Variants in GTF2I observed in about 807,000 individuals in gnomAD.
The protein encoded by GTF2I is general transcription factor II-I.
GTF2I carries 12 observed loss-of-function variants against 67.6 expected under a neutral mutation model. The ratio of observed to expected loss-of-function variants is 0.18; its 90% CI spans 0.11 to 0.29. The LOEUF is 0.29. Among genes scored for constraint, GTF2I ranks in the 10% least tolerant of loss-of-function variants. The pLI, the probability that GTF2I is intolerant of heterozygous loss-of-function variation, is 1.00. For missense variants in GTF2I, 271 were observed against 580.1 expected (o/e 0.47, Z 5.47); for synonymous variants, 149 against 197.0 (o/e 0.76, Z 2.04).
intron 1 of GTF2I, among the ~76,000 whole-genome samples, chr7:74,665,351 G>C (rs1804882819): frequency 6.6e-6 from 1 of 151,782 alleles, no homozygotes; most frequent in African/African-American, 2.4e-5. Context: ...TCTCGGGTTC[G>C]AGTGATTCTT....
intron 1 of GTF2I, among the ~76,000 whole-genome samples, chr7:74,667,028 C>G (rs1805043546): frequency 6.6e-6 from 1 of 151,926 alleles, no homozygotes; most frequent in Non-Finnish European, 1.5e-5. Context: ...ACCTGTAATC[C>G]CAGACACTCG....
rs781807761 is a variant in GTF2I, at chr7:74,689,145, T to C, written c.17T>C (p.Met6Thr). 2 of 1,610,830 alleles carry C rather than the reference T, an allele frequency of 1.2e-6. No individual in the cohort carries two copies. Among genetic ancestry groups the C allele is most frequent in the Non-Finnish European group, 1.7e-6 (2 of 1,177,176 alleles). Residue 6 changes from methionine (M) to threonine (T), a missense_variant, in exon 2 of 35, where the codon ATG (methionine) becomes ACG (threonine). By Grantham distance (81) the Met-to-Thr change is moderately conservative. Around this residue, in one of 9 missense-constraint regions of GTF2I, gnomAD observed 17 missense variants for 18.2 expected, o/e 0.94. Coordinates refer to ENST00000573035, the MANE Select transcript of GTF2I (RefSeq NM_032999.4). ...ACAGGGATCATGGCCCAAGTTGCAA[T>C]GTCCACCCTCCCCGTTGAAGATGAG... MAQVA[M>T]STLPVEDEES...
At chr7:74,679,057 A>G (rs1554393302) in intron 1 of GTF2I, among the ~76,000 whole-genome samples, 1 of 147,408 alleles carries the variant, frequency 6.8e-6, no homozygotes, top group African/African-American at 2.5e-5. Context: ...GGCATGAGCC[A>G]CCGCGCCCAG....
intron 15 of GTF2I, 122 bp downstream of exon 15, chr7:74,732,784 A>G (rs1554407017): frequency 3.5e-5 from 45 of 1,278,040 alleles, no homozygotes. Flanking sequence ...TATTTTATGT[A>G]TTTTTATCTT....
chr7:74,726,349 T>C (rs2131490994), intron 12 of GTF2I: 1 of 152,204 alleles, frequency 6.6e-6, no homozygotes, highest in African/African-American at 2.4e-5. Context: ...AAAATCTGTT[T>C]GGGAGTTGGA....
chr7:74,686,667 T>G (rs1218123063), intron 1 of GTF2I, among the ~76,000 whole-genome samples: 1 of 152,102 alleles, frequency 6.6e-6, no homozygotes, highest in Non-Finnish European at 1.5e-5. Flanking sequence ...TACTTAGACT[T>G]GGGGGAGAGG....
chr7:74,673,878 A>G (rs1805671398), intron 1 of GTF2I, among the ~76,000 whole-genome samples: 1 of 148,946 alleles, frequency 6.7e-6, no homozygotes, highest in Admixed American at 6.7e-5. Flanking sequence ...ACAGGGTTTC[A>G]CCGAGTTGGC....
intron 12 of GTF2I, among the ~76,000 whole-genome samples, chr7:74,720,301 C>A (rs1369389131): frequency 2.0e-5 from 3 of 152,082 alleles, no homozygotes; most frequent in African/African-American, 7.2e-5. Flanking sequence ...GTCTCTCTTT[C>A]TCTCTTAATA....
chr7:74,700,205 C>A (rs587705820), intron 4 of GTF2I, 42 bp from the exon 5 acceptor site: 5 of 1,591,710 alleles, frequency 3.1e-6, no homozygotes, highest in East Asian at 4.5e-5. Context: ...ATTTTGTAAT[C>A]TTACCATTGA....
intron 1 of GTF2I, among the ~76,000 whole-genome samples, chr7:74,687,264 G>A (rs1463203280): frequency 1.8e-4 from 27 of 151,670 alleles, no homozygotes; most frequent in African/African-American, 1.7e-4. Flanking sequence ...TCACTCTGTC[G>A]CCCAGGCTGG....
intron 2 of GTF2I, among the ~76,000 whole-genome samples, chr7:74,689,435 A>G (rs782067878): frequency 5.5e-5 from 8 of 146,742 alleles, no homozygotes; most frequent in Admixed American, 1.4e-4. Context: ...GCTCACTGCA[A>G]CCTTTACCTC....
At chr7:74,695,770 G>A (rs1408142669) in intron 3 of GTF2I, among the ~76,000 whole-genome samples, 1 of 151,918 alleles carries the variant, frequency 6.6e-6, no homozygotes, top group African/African-American at 2.4e-5. Context: ...TTATGTTTCT[G>A]TGTTTCTTTA....
At chr7:74,701,963 A>C (rs1366511144) in intron 6 of GTF2I, among the ~76,000 whole-genome samples, 2 of 152,102 alleles carry the variant, frequency 1.3e-5, no homozygotes, top group East Asian at 3.9e-4. Context: ...ACTGAGCATC[A>C]CTCACTCGAG....
At chr7:74,667,280 T>C (rs1554388900) in intron 1 of GTF2I, among the ~76,000 whole-genome samples, 1 of 151,638 alleles carries the variant, frequency 6.6e-6, no homozygotes, top group Admixed American at 6.6e-5. Context: ...GAGGTGGAGG[T>C]TACAGTGTAC....
intron 1 of GTF2I, among the ~76,000 whole-genome samples, chr7:74,668,592 G>A (rs1033076477): frequency 6.7e-6 from 1 of 150,282 alleles, no homozygotes; most frequent in Non-Finnish European, 1.5e-5. Context: ...TTTATTTATC[G>A]AGATGGAGTC....
At chr7:74,696,340 CT>C (rs1304269365) in intron 3 of GTF2I, among the ~76,000 whole-genome samples, 1 of 147,906 alleles carries the variant, frequency 6.8e-6, no homozygotes, top group East Asian at 2.0e-4. Flanking sequence ...TCCTTCTTCT[CT>C]TTTTTTTTGA....
At chr7:74,710,334 CT>C (rs782461600) in intron 8 of GTF2I, among the ~76,000 whole-genome samples, 8 of 150,848 alleles carry the variant, frequency 5.3e-5, no homozygotes, top group African/African-American at 1.9e-4. Context: ...ATTTCTTTTT[CT>C]TTTTTTTTGA....
At chr7:74,668,695 A>C (rs4717904) in intron 1 of GTF2I, among the ~76,000 whole-genome samples, 120,651 of 151,648 alleles carry the variant, frequency 0.8, 48,200 homozygotes, top group East Asian at 0.94. Flanking sequence ...TGCCTCAGCC[A>C]CCTGAGTAGC....
At chr7:74,681,383 C>G (rs587764927) in intron 1 of GTF2I, among the ~76,000 whole-genome samples, 4 of 150,564 alleles carry the variant, frequency 2.7e-5, no homozygotes, top group Non-Finnish European at 4.4e-5. Context: ...TGCAGTGAGC[C>G]GAGATCGTGC....
Sources: gnomAD v4.1 joint callset for allele counts (sites outside exome capture counted in the v4.1 genomes callset) on GRCh38, gnomAD v4.1.1 for gene constraint, gnomAD v4.1.1 regional missense constraint, MANE v1.5 for transcripts, NCBI Gene and HGNC (gene_info 2026-07-23, HGNC 2026-07-21) for gene names.